The following NNT variants were observed in gnomAD, a reference collection of about 807,000 sequenced individuals.
NNT encodes NAD(P) transhydrogenase, mitochondrial.
A neutral mutation model predicts 104.8 loss-of-function variants in NNT; 50 were observed. That is an observed-to-expected ratio of 0.48 (90% CI 0.38 to 0.60). The LOEUF (loss-of-function observed/expected upper bound fraction) is 0.60, where lower values mean the gene tolerates loss of function less well. Ranked by LOEUF, NNT falls within the 20% of genes least tolerant of loss-of-function variation. The probability of loss-of-function intolerance (pLI) is 0.00; values close to 1 mark genes in which losing one functional copy is unlikely to be tolerated. For missense variants in NNT, 1,131 were observed against 1,330.7 expected (o/e 0.85, Z 2.33); for synonymous variants, 461 against 490.4 (o/e 0.94, Z 0.79).
At chr5:43,669,722 G>A (rs1265991833) in intron 17 of NNT, among the ~76,000 whole-genome samples, 10 of 152,224 alleles carry the variant, frequency 6.6e-5, no homozygotes, top group Non-Finnish European at 5.9e-5. Context: ...TGTTCATCGA[G>A]GATATTGGTC....
At chr5:43,618,294 A>G (rs187501441) in intron 4 of NNT, among the ~76,000 whole-genome samples, 5 of 152,312 alleles carry the variant, frequency 3.3e-5, no homozygotes, top group Non-Finnish European at 5.9e-5. Flanking sequence ...TACTTTATAG[A>G]TGAGGAAACC....
chr5:43,693,649 G>A (rs1742403149), intron 19 of NNT, among the ~76,000 whole-genome samples: 2 of 152,104 alleles, frequency 1.3e-5, no homozygotes, highest in African/African-American at 2.4e-5. Context: ...GGCACAGATG[G>A]TGACATTAGG....
Position 43,651,819 on chromosome 5 carries a change from C to T in NNT, c.1798C>T (p.Leu600Phe). Residue 600 changes from leucine (L) to phenylalanine (F), a missense_variant, in exon 13 of 22, where the codon CTC (leucine) becomes TTC (phenylalanine). Transcript: ENST00000344920. ...CCCAGAATACAACTACCTGTACCTG[C>T]TCCCTGCCGGCACCTTTGTTGGTGG... ...DPPEYNYLYL[L>F]PAGTFVGGYL... The T allele has an allele frequency of 6.2e-7, 1 of 1,614,158 alleles. No individual in the cohort carries two copies. The highest frequency in any genetic ancestry group is 8.5e-7 in the Non-Finnish European group (1 of 1,180,016).
chr5:43,692,226 A>G (rs1225810844), intron 19 of NNT, among the ~76,000 whole-genome samples: 1 of 152,190 alleles, frequency 6.6e-6, no homozygotes, highest in East Asian at 1.9e-4. Flanking sequence ...AGGTTAGAGT[A>G]AGGGAACAGG....
chr5:43,658,593 C>T (rs773346693), intron 16 of NNT, among the ~76,000 whole-genome samples: 1 of 152,082 alleles, frequency 6.6e-6, no homozygotes, highest in African/African-American at 2.4e-5. Context: ...GTTATTTTAT[C>T]CTTAACAGGA....
At chr5:43,675,382 T>C (rs753252644) in intron 17 of NNT, 129 bp from the exon 18 acceptor site, 16 of 718,640 alleles carry the variant, frequency 2.2e-5, no homozygotes, top group Non-Finnish European at 3.0e-5. Flanking sequence ...GAAATTTATC[T>C]GATTAAAGTG....
intron 7 of NNT, among the ~76,000 whole-genome samples, chr5:43,641,379 A>G (rs975154157): frequency 6.6e-5 from 10 of 152,126 alleles, no homozygotes; most frequent in African/African-American, 2.4e-4. Context: ...AGGCAGCTGC[A>G]CTGTTACATT....
chr5:43,679,832 C>G (rs189403741), intron 19 of NNT, among the ~76,000 whole-genome samples: 1,614 of 151,942 alleles, frequency 0.011, 33 homozygotes, highest in African/African-American at 0.038. Flanking sequence ...CATGAGAGAG[C>G]TTTTCATTGC....
intron 16 of NNT, among the ~76,000 whole-genome samples, chr5:43,658,225 A>G (rs1740160494): frequency 6.6e-6 from 1 of 152,208 alleles, no homozygotes; most frequent in African/African-American, 2.4e-5. Context: ...TAAAGGATTT[A>G]TTGGTTCTAT....
At chr5:43,702,762 T>G in intron 21 of NNT, 26 bp downstream of exon 21, 4 of 1,499,318 alleles carry the variant, frequency 2.7e-6, no homozygotes, top group Middle Eastern at 3.5e-4. Flanking sequence ...TGTATTTCAT[T>G]CTGATAATCA....
chr5:43,605,219 A>T (rs1056941814), intron 1 of NNT, among the ~76,000 whole-genome samples: 6 of 152,260 alleles, frequency 3.9e-5, no homozygotes, highest in Non-Finnish European at 8.8e-5. Context: ...GCAATGCTTA[A>T]AAAGTTGTGC....
chr5:43,649,303 T>C lies in NNT; in HGVS notation c.1601T>C (p.Ile534Thr), dbSNP rs758682965. The change falls in exon 11 of 22, where the codon ATC (isoleucine) becomes ACC (threonine). Residue 534 changes from isoleucine (I) to threonine (T), a missense_variant. Coordinates refer to ENST00000344920, the MANE Select transcript of NNT (RefSeq NM_182977.3). ...CCACTGATGTCTGTGACAAATGCAA[T>C]CTCAGGTTTGTTCCTCTCTTGTTTT... ...HSPLMSVTNAISGLTAVGGLA... is the reference protein window; with the variant it reads ...HSPLMSVTNATSGLTAVGGLA... The C allele has an allele frequency of 6.2e-7, 1 of 1,614,116 alleles. No individual in the cohort carries two copies. The highest frequency in any genetic ancestry group is 8.5e-7 in the Non-Finnish European group (1 of 1,179,976).
At chr5:43,667,881 AC>A (rs1347165241) in intron 17 of NNT, among the ~76,000 whole-genome samples, 2 of 152,234 alleles carry the variant, frequency 1.3e-5, no homozygotes, top group African/African-American at 4.8e-5. Context: ...TTACAGTCCC[AC>A]CAACAGTGCA....
At chr5:43,632,400 T>C (rs1207132076) in intron 7 of NNT, among the ~76,000 whole-genome samples, 1 of 152,220 alleles carries the variant, frequency 6.6e-6, no homozygotes, top group African/African-American at 2.4e-5. Flanking sequence ...AGTAACTAGT[T>C]TCAGGGAGCA....
At chr5:43,618,760 G>A (rs1270586153) in intron 4 of NNT, among the ~76,000 whole-genome samples, 2 of 152,128 alleles carry the variant, frequency 1.3e-5, no homozygotes, top group Non-Finnish European at 2.9e-5. Flanking sequence ...TTTACTAGCT[G>A]AGTGACCTTA....
At chr5:43,688,843 C>G (rs539422956) in intron 19 of NNT, among the ~76,000 whole-genome samples, 9 of 152,154 alleles carry the variant, frequency 5.9e-5, no homozygotes, top group Non-Finnish European at 1.2e-4. Context: ...GCAAATTGTG[C>G]TGCTATAAAC....
chr5:43,623,881 A>T, intron 5 of NNT, 151 bp from the exon 6 acceptor site: 1 of 743,192 alleles, frequency 1.3e-6, no homozygotes, highest in Non-Finnish European at 2.4e-6. Flanking sequence ...TATGTACTCC[A>T]TACAGTTACT....
At chr5:43,622,255 G>A (rs1750139100) in intron 5 of NNT, among the ~76,000 whole-genome samples, 1 of 152,182 alleles carries the variant, frequency 6.6e-6, no homozygotes, top group Non-Finnish European at 1.5e-5. Context: ...TATGTGCAAA[G>A]GGAGGAGTTG....
chr5:43,672,158 C>T (rs1321741906), intron 17 of NNT, among the ~76,000 whole-genome samples: 2 of 152,148 alleles, frequency 1.3e-5, no homozygotes, highest in South Asian at 2.1e-4. Flanking sequence ...TACTTCTCTA[C>T]ACTGTTTATT....
Sources: allele counts gnomAD v4.1 joint callset (sites outside exome capture counted in the v4.1 genomes callset), GRCh38; gene constraint gnomAD v4.1.1; transcripts MANE v1.5; gene names NCBI Gene and HGNC (gene_info 2026-07-23, HGNC 2026-07-21).